SLIT2: variants seen among roughly 807,000 people sequenced by gnomAD.
SLIT2 encodes slit guidance ligand 2.
Under a neutral mutation model 185.7 loss-of-function variants are expected in SLIT2, and 41 were observed. The ratio of observed to expected loss-of-function variants is 0.22; its 90% CI spans 0.17 to 0.29. The LOEUF (loss-of-function observed/expected upper bound fraction) is 0.29, where lower values mean the gene tolerates loss of function less well. SLIT2 is among the 10% of genes least tolerant of loss of function. The pLI, the probability that SLIT2 is intolerant of heterozygous loss-of-function variation, is 1.00. For synonymous variants in SLIT2, 693 were observed against 680.2 expected, an observed-to-expected ratio of 1.02 and a Z score of -0.29; for missense variants, 1,571 against 1,909.0, an observed-to-expected ratio of 0.82 and a Z score of 3.30.
In SLIT2 at chr4:20,599,047, T is replaced by C. The variant is rs551363296; in HGVS notation, c.3692+652T>C. On this transcript the variant is annotated intron_variant, in intron 33 of 36. Transcript: ENST00000504154. ...TTGCCATTCATACCTCAGAGGTTTA[T>C]TGAGCACTTACTATGTGCCAGACCT... 5.1e-4 allele frequency among the ~76,000 whole-genome samples: 77 copies of C among 152,312 alleles called. 2 individuals are homozygous for C. The highest frequency in any genetic ancestry group is 2.5e-3 in the Admixed American group (38 of 15,294).
chr4:20,329,687 A>C (rs1719902656), intron 4 of SLIT2, among the ~76,000 whole-genome samples: 1 of 152,098 alleles, frequency 6.6e-6, no homozygotes, highest in Non-Finnish European at 1.5e-5. Context: ...TGAATCCTTG[A>C]TAGCAAATGC....
intron 4 of SLIT2, among the ~76,000 whole-genome samples, chr4:20,380,942 A>G (rs1466541651): frequency 1.3e-5 from 2 of 152,160 alleles, no homozygotes; most frequent in Admixed American, 6.5e-5. Flanking sequence ...GAAGAAAACC[A>G]TAACCAAAGC....
chr4:20,611,758 G>A (rs1729240518), intron 34 of SLIT2, among the ~76,000 whole-genome samples: 2 of 152,204 alleles, frequency 1.3e-5, no homozygotes, highest in Admixed American at 6.5e-5. Context: ...TAGCCTTAAT[G>A]TGCAGAGATC....
intron 4 of SLIT2, among the ~76,000 whole-genome samples, chr4:20,381,732 TTGG>T: frequency 6.6e-6 from 1 of 152,246 alleles, no homozygotes; most frequent in Middle Eastern, 3.4e-3. Flanking sequence ...TATGTCTTCA[TTGG>T]TGAATTCTGC....
chr4:20,618,958 G>C lies in SLIT2; in HGVS notation c.4539G>C (p.Val1513=). ...SFECTDGSSF[V]DEVEKVVKCG... ...AATGCACTGACGGCTCCTCCTTTGTGGACGAGGTTGAGAAAGTGGTGAAGT... is the reference window on the plus strand; with the variant it reads ...AATGCACTGACGGCTCCTCCTTTGTCGACGAGGTTGAGAAAGTGGTGAAGT... The change falls in exon 37 of 37, where the codon GTG becomes GTC. Residue 1513 remains valine (V), a synonymous_variant. Transcript: ENST00000504154. The C allele has an allele frequency of 6.2e-7, 1 of 1,614,122 alleles. No individual in the cohort carries two copies. The highest frequency in any genetic ancestry group is 8.5e-7 in the Non-Finnish European group (1 of 1,180,008).
Position 20,550,965 on chromosome 4 carries a change from C to G in SLIT2, c.2561+67C>G, listed in dbSNP as rs1473481223. 4.8e-6 allele frequency: 4 copies of G among 832,924 alleles called. No homozygotes were observed. In the African/African-American group the frequency reaches 6.9e-5, roughly 14 times the overall value. The allele number at this position is 832,924 out of a possible 1,614,324, so 51.6% of individuals were successfully genotyped here. A position where few individuals can be genotyped will look rare whatever the true frequency, so the allele number is the denominator to read the frequency against. On this transcript the variant is annotated intron_variant, in intron 25 of 36. Transcript: ENST00000504154. ...TTCCTAATGAGTGACTTGGAACATT[C>G]CTCTGCCAGTTATTTTACTGTAACA...
chr4:20,308,605 G>A (rs778257212), intron 4 of SLIT2, among the ~76,000 whole-genome samples: 1 of 151,990 alleles, frequency 6.6e-6, no homozygotes, highest in African/African-American at 2.4e-5. Flanking sequence ...GTAAAATGGG[G>A]ATATTAGCTA....
chr4:20,591,593 C>T (rs1727518445), intron 30 of SLIT2, among the ~76,000 whole-genome samples: 2 of 151,844 alleles, frequency 1.3e-5, no homozygotes, highest in Admixed American at 1.3e-4. Flanking sequence ...ATTCCATTTT[C>T]ACTTTATACA....
chr4:20,602,971 G>A (rs1007608007), intron 33 of SLIT2, among the ~76,000 whole-genome samples: 2 of 152,060 alleles, frequency 1.3e-5, no homozygotes, highest in African/African-American at 2.4e-5. Context: ...TTTGGAATAT[G>A]GCGCACGGGC....
intron 29 of SLIT2, among the ~76,000 whole-genome samples, chr4:20,576,306 T>C (rs919643677): frequency 3.3e-5 from 5 of 152,224 alleles, no homozygotes; most frequent in African/African-American, 1.2e-4. Context: ...TGTTCAGTAT[T>C]GTCTGTCTTT....
At chr4:20,324,234 A>G (rs1216119165) in intron 4 of SLIT2, among the ~76,000 whole-genome samples, 1 of 151,202 alleles carries the variant, frequency 6.6e-6, no homozygotes, top group African/African-American at 2.4e-5. Context: ...CCAGCTTGCT[A>G]TGTTGACAAC....
At chr4:20,342,821 T>G (rs1721074134) in intron 4 of SLIT2, among the ~76,000 whole-genome samples, 1 of 144,490 alleles carries the variant, frequency 6.9e-6, no homozygotes, top group African/African-American at 2.6e-5. Context: ...TAGCTGTGGA[T>G]AGTGGTACAT....
chr4:20,426,258 A>G (rs1728549529), intron 4 of SLIT2, among the ~76,000 whole-genome samples: 1 of 152,202 alleles, frequency 6.6e-6, no homozygotes, highest in Non-Finnish European at 1.5e-5. Flanking sequence ...GCAGATGAGC[A>G]CAGAGTTGAG....
chr4:20,268,565 G>T (rs1421180152), intron 3 of SLIT2, among the ~76,000 whole-genome samples: 1 of 151,782 alleles, frequency 6.6e-6, no homozygotes, highest in Non-Finnish European at 1.5e-5. Flanking sequence ...GACTGATGTT[G>T]CACAGGATTT....
chr4:20,507,686 G>A (rs995002632), intron 9 of SLIT2, among the ~76,000 whole-genome samples: 1 of 151,432 alleles, frequency 6.6e-6, no homozygotes, highest in South Asian at 2.1e-4. Flanking sequence ...ATGATTATTG[G>A]TTTCTTTAGA....
chr4:20,491,660 T>G (rs995419080), intron 8 of SLIT2, 101 bp from the exon 9 acceptor site: 2 of 976,868 alleles, frequency 2.0e-6, no homozygotes, highest in Non-Finnish European at 1.5e-6. Context: ...TTTAAAGAGA[T>G]TTATTTATGT....
chr4:20,607,613 C>T (rs1438929191), intron 33 of SLIT2, among the ~76,000 whole-genome samples: 3 of 152,174 alleles, frequency 2.0e-5, no homozygotes, highest in African/African-American at 7.2e-5. Flanking sequence ...TCCCATCTGA[C>T]ACACTGCATT....
chr4:20,322,200 G>A (rs1719152138), intron 4 of SLIT2, among the ~76,000 whole-genome samples: 1 of 152,182 alleles, frequency 6.6e-6, no homozygotes. Context: ...TTTAAGAAGT[G>A]TATTTTGCCA....
intron 29 of SLIT2, among the ~76,000 whole-genome samples, chr4:20,582,532 C>A (rs1460116130): frequency 1.3e-5 from 2 of 152,222 alleles, no homozygotes; most frequent in African/African-American, 4.8e-5. Flanking sequence ...TCAACCCACA[C>A]ACTGAATCCC....
Sources: allele counts gnomAD v4.1 joint callset (sites outside exome capture counted in the v4.1 genomes callset), GRCh38; gene constraint gnomAD v4.1.1; transcripts MANE v1.5; gene names NCBI Gene and HGNC (gene_info 2026-07-23, HGNC 2026-07-21).